Variants in CNGA3 observed in about 807,000 individuals in gnomAD.
CNGA3 encodes cyclic nucleotide-gated channel alpha-3.
CNGA3 carries 42 observed loss-of-function variants against 46.6 expected under a neutral mutation model. The ratio of observed to expected loss-of-function variants is 0.90; its 90% CI spans 0.70 to 1.17. The LOEUF (loss-of-function observed/expected upper bound fraction) is 1.17, where lower values mean the gene tolerates loss of function less well. CNGA3 is among the 50% of genes most tolerant of loss of function. CNGA3 has a pLI of 0.00. For synonymous variants in CNGA3, 394 were observed against 369.4 expected, an observed-to-expected ratio of 1.07 and a Z score of -0.76; for missense variants, 893 against 890.7, an observed-to-expected ratio of 1.00 and a Z score of -0.03.
intron 7 of CNGA3, among the ~76,000 whole-genome samples, chr2:98,392,665 C>T (rs1314254567): frequency 1.3e-5 from 2 of 152,188 alleles, no homozygotes; most frequent in East Asian, 3.9e-4. Flanking sequence ...CACTACTCGA[C>T]ACTGGGGTAA....
chr2:98,371,576 T>G (rs1692289726), intron 2 of CNGA3, among the ~76,000 whole-genome samples: 1 of 152,152 alleles, frequency 6.6e-6, no homozygotes, highest in Non-Finnish European at 1.5e-5. Flanking sequence ...CCATTTTAAC[T>G]CGGTGCTGGG....
chr2:98,367,957 C>A (rs561210488), intron 1 of CNGA3, among the ~76,000 whole-genome samples: 4 of 152,354 alleles, frequency 2.6e-5, no homozygotes, highest in Admixed American at 1.3e-4. Context: ...TGGGCACAAC[C>A]TGCAAAGCCT....
At chr2:98,390,335 G>A (rs1487737090) in intron 6 of CNGA3, among the ~76,000 whole-genome samples, 2 of 151,460 alleles carry the variant, frequency 1.3e-5, no homozygotes, top group African/African-American at 4.9e-5. Flanking sequence ...TTTTAGTAGA[G>A]ACAGTGTTTC....
At chr2:98,387,885 C>T (rs7588522) in intron 5 of CNGA3, among the ~76,000 whole-genome samples, 3,143 of 152,270 alleles carry the variant, frequency 0.021, 120 homozygotes, top group African/African-American at 0.072. Flanking sequence ...ATTTCCAAAA[C>T]TCCGAGTAAC....
intron 1 of CNGA3, among the ~76,000 whole-genome samples, chr2:98,363,060 T>G (rs1692069056): frequency 6.6e-6 from 1 of 152,246 alleles, no homozygotes; most frequent in East Asian, 1.9e-4. Context: ...TATAGTCTTA[T>G]AGCATAGTTT....
chr2:98,393,613 C>A (rs1433611473), intron 7 of CNGA3, among the ~76,000 whole-genome samples: 1 of 152,148 alleles, frequency 6.6e-6, no homozygotes, highest in African/African-American at 2.4e-5. Flanking sequence ...TGTTAAACTC[C>A]ACAGACACAC....
At chr2:98,353,159 A>G (rs1463110617) in intron 1 of CNGA3, among the ~76,000 whole-genome samples, 1 of 152,144 alleles carries the variant, frequency 6.6e-6, no homozygotes, top group Non-Finnish European at 1.5e-5. Context: ...ATTTTTTCCA[A>G]TATATTTATT....
At chr2:98,373,581 G>A (rs970881408) in intron 2 of CNGA3, among the ~76,000 whole-genome samples, 8 of 152,158 alleles carry the variant, frequency 5.3e-5, no homozygotes, top group Admixed American at 5.2e-4. Context: ...TTTTTATAGT[G>A]GAAAGTCATA....
Position 98,397,995 on chromosome 2 carries a change from G to A in CNGA3, c.*740G>A, listed in dbSNP as rs1157065259. On this transcript the variant is annotated 3_prime_UTR_variant, in exon 8 of 8. Transcript: ENST00000272602. ...TTCTCACTTGCCAAAGAGATTCAAA[G>A]ACAGCCCCTATCCTCCATTCTTGAG... The A allele has an allele frequency of 6.5e-6, 1 of 153,172 alleles. No individual in the cohort carries two copies. Among genetic ancestry groups the A allele is most frequent in the Non-Finnish European group, 1.5e-5 (1 of 68,750 alleles). The allele number at this position is 153,172 out of a possible 1,614,324, so 9.5% of individuals were successfully genotyped here. A position where few individuals can be genotyped will look rare whatever the true frequency, so the allele number is the denominator to read the frequency against.
At chr2:98,377,556 C>T (rs759288692) in intron 2 of CNGA3, 131 bp from the exon 3 acceptor site, 26 of 832,010 alleles carry the variant, frequency 3.1e-5, no homozygotes, top group Non-Finnish European at 5.0e-5. Context: ...AAGTGGGGAG[C>T]CCCTGGGATG....
intron 1 of CNGA3, among the ~76,000 whole-genome samples, chr2:98,364,379 A>AAAATAAATAAATAAATAAAT (rs58612453): frequency 4.0e-5 from 6 of 151,330 alleles, no homozygotes; most frequent in African/African-American, 1.5e-4. Flanking sequence ...CTCCATCTCA[A>AAAATAAATAAATAAATAAAT]AAATAAATAA....
chr2:98,382,124 C>T (rs747571114), intron 4 of CNGA3, among the ~76,000 whole-genome samples: 11 of 152,138 alleles, frequency 7.2e-5, no homozygotes, highest in South Asian at 2.1e-4. Context: ...GGATCACTCG[C>T]GGGCAGGGTC....
At chr2:98,359,958 C>T (rs759892387) in intron 1 of CNGA3, among the ~76,000 whole-genome samples, 21 of 152,164 alleles carry the variant, frequency 1.4e-4, no homozygotes, top group Non-Finnish European at 1.9e-4. Context: ...GTGGGCATGG[C>T]CCCTTGATTC....
intron 5 of CNGA3, among the ~76,000 whole-genome samples, chr2:98,386,646 C>T (rs1005016513): frequency 2.6e-5 from 4 of 152,194 alleles, no homozygotes; most frequent in African/African-American, 9.7e-5. Flanking sequence ...GGTAGGTTAT[C>T]CTGGATTATC....
In CNGA3 at chr2:98,397,632, C is replaced by G. The variant is rs1023581694; in HGVS notation, c.*377C>G. ...TCTTATAAATGAAAGATTATTTAGT[C>G]ACCTTTCTCCTGTCCAACTTCACCA... is the stretch of plus-strand genomic sequence containing the variant. On this transcript the variant is annotated 3_prime_UTR_variant, in exon 8 of 8. Transcript: ENST00000272602. 3.1e-6 allele frequency: 1 copy of G among 319,424 alleles called. No individual in the cohort carries two copies. The highest frequency in any genetic ancestry group is 5.9e-6 in the Non-Finnish European group (1 of 168,250). 19.8% of individuals were successfully genotyped at this position (319,424 alleles called of 1,614,324 possible).
At chr2:98,379,079 A>C (rs1033342789) in intron 3 of CNGA3, among the ~76,000 whole-genome samples, 1 of 152,182 alleles carries the variant, frequency 6.6e-6, no homozygotes, top group Non-Finnish European at 1.5e-5. Context: ...AGGAGGGAGT[A>C]TGACCTTGGT....
chr2:98,374,279 A>G (rs1251216558), intron 2 of CNGA3, among the ~76,000 whole-genome samples: 1 of 152,210 alleles, frequency 6.6e-6, no homozygotes, highest in Non-Finnish European at 1.5e-5. Context: ...TTACAAGGTG[A>G]AAATTATGTT....
rs1363062888 is a variant in CNGA3, at chr2:98,396,915, A to G, written c.1745A>G (p.Asp582Gly). The G allele has an allele frequency of 1.9e-6, 3 of 1,614,018 alleles. No homozygotes were observed. The highest frequency in any genetic ancestry group is 1.1e-5 in the South Asian group (1 of 91,074). ...GYSDLFCLSK[D>G]DLMEALTEYP... ...TCAGACCTGTTCTGCCTCTCAAAGG[A>G]CGATCTCATGGAGGCCCTCACCGAG... Residue 582 changes from aspartate to glycine, a missense_variant, in exon 8 of 8, where the codon GAC becomes GGC. Asp to Gly is a moderately conservative substitution (Grantham distance 94). Around this residue, in one of 3 missense-constraint regions of CNGA3, gnomAD observed 548 missense variants for 570.8 expected, o/e 0.96. Coordinates refer to ENST00000272602, the MANE Select transcript of CNGA3 (RefSeq NM_001298.3).
At chr2:98,367,844 A>G (rs1692198220) in intron 1 of CNGA3, among the ~76,000 whole-genome samples, 1 of 152,172 alleles carries the variant, frequency 6.6e-6, no homozygotes, top group Admixed American at 6.5e-5. Context: ...CTCACCTCAC[A>G]GGGAACTCAT....
Sources: gnomAD v4.1 joint callset for allele counts (sites outside exome capture counted in the v4.1 genomes callset) on GRCh38, gnomAD v4.1.1 for gene constraint, gnomAD v4.1.1 regional missense constraint, MANE v1.5 for transcripts, NCBI Gene and HGNC (gene_info 2026-07-23, HGNC 2026-07-21) for gene names.